PJA2: variants seen among roughly 807,000 people sequenced by gnomAD.
The protein encoded by PJA2 is praja ring finger ubiquitin ligase 2.
Under a neutral mutation model 69.3 loss-of-function variants are expected in PJA2, and 25 were observed. The ratio of observed to expected loss-of-function variants is 0.36; its 90% confidence interval spans 0.26 to 0.50. The LOEUF is 0.50. PJA2 is among the 20% of genes least tolerant of loss of function. The pLI is 0.96. For missense variants in PJA2, 809 were observed against 830.2 expected, an observed-to-expected ratio of 0.97 and a Z score of 0.31; for synonymous variants, 308 against 277.8, an observed-to-expected ratio of 1.11 and a Z score of -1.08.
At chr5:109,359,381 C>A (rs1307815941) in intron 6 of PJA2, among the ~76,000 whole-genome samples, 1 of 152,104 alleles carries the variant, frequency 6.6e-6, no homozygotes, top group Non-Finnish European at 1.5e-5. Flanking sequence ...ACCCCTAACC[C>A]GTGTTGTTCA....
At position 109,383,491 on chromosome 5, in the gene PJA2, T is replaced by G; in HGVS notation, c.-58A>C. On this transcript the variant is annotated 5_prime_UTR_variant, in exon 2 of 10. Transcript: ENST00000361189. ...AATTATAGATGTGATTTAGTTTTTATTCACACTATGGACAAGCCGCAGAAG... is the reference window on the plus strand; with the variant it reads ...AATTATAGATGTGATTTAGTTTTTAGTCACACTATGGACAAGCCGCAGAAG... 7.1e-7 allele frequency: 1 copy of G among 1,406,198 alleles called. No homozygotes were observed. 87.1% of individuals were successfully genotyped at this position (1,406,198 alleles called of 1,614,324 possible). A position where few individuals can be genotyped will look rare whatever the true frequency, so the allele number is the denominator to read the frequency against.
At chr5:109,381,389 G>T in intron 3 of PJA2, 114 bp downstream of exon 3, 2 of 680,064 alleles carry the variant, frequency 2.9e-6, no homozygotes, top group Non-Finnish European at 2.4e-6. Context: ...TTCTTGATAG[G>T]AAGTGTGCTG....
At chr5:109,380,532 G>T (rs1747018162) in intron 3 of PJA2, among the ~76,000 whole-genome samples, 1 of 152,116 alleles carries the variant, frequency 6.6e-6, no homozygotes, top group Non-Finnish European at 1.5e-5. Flanking sequence ...AGTTGGCCGG[G>T]CACAATGGCC....
chr5:109,381,847 A>G, intron 2 of PJA2, 144 bp from the exon 3 acceptor site: 1 of 656,368 alleles, frequency 1.5e-6, no homozygotes, highest in Non-Finnish European at 2.5e-6. Flanking sequence ...CTAGTACTAT[A>G]AAACATTATT....
rs1045582539 is a variant in PJA2 at position 109,335,397 on chromosome 5, G to A, written c.*1834C>T. The A allele has an allele frequency of 6.6e-6, 1 of 152,550 alleles. No homozygotes were observed. The highest frequency in any genetic ancestry group is 1.5e-5 in the Non-Finnish European group (1 of 67,996). 9.4% of individuals were successfully genotyped at this position (152,550 alleles called of 1,614,324 possible). On this transcript the variant is annotated 3_prime_UTR_variant, in exon 10 of 10. Coordinates refer to ENST00000361189, the MANE Select transcript of PJA2 (RefSeq NM_014819.5). ...ACCTCTTAACAACTGGCAGATAATA[G>A]CTAAATCTTAACAGACAAAGAAGAA...
At chr5:109,386,512 G>A (rs929147515) in intron 1 of PJA2, among the ~76,000 whole-genome samples, 1 of 152,056 alleles carries the variant, frequency 6.6e-6, no homozygotes. Flanking sequence ...GATACTCTTC[G>A]GAGCCGTCTA....
chr5:109,377,474 G>C (rs1267429712), intron 4 of PJA2, among the ~76,000 whole-genome samples: 2 of 152,032 alleles, frequency 1.3e-5, no homozygotes, highest in Non-Finnish European at 2.9e-5. Flanking sequence ...GGAAAAAAAA[G>C]ATACGGGTTT....
intron 4 of PJA2, among the ~76,000 whole-genome samples, chr5:109,374,011 G>C (rs771488497): frequency 6.6e-6 from 1 of 152,126 alleles, no homozygotes; most frequent in Non-Finnish European, 1.5e-5. Context: ...CTAGGAAAAA[G>C]TGAAATTTTA....
At chr5:109,396,720 G>T (rs1476457829) in intron 1 of PJA2, among the ~76,000 whole-genome samples, 21 of 125,400 alleles carry the variant, frequency 1.7e-4, no homozygotes, top group Non-Finnish European at 1.9e-4. Context: ...CACCGCACCC[G>T]GCCTAACATG....
At chr5:109,370,948 A>G (rs1335420343) in intron 4 of PJA2, among the ~76,000 whole-genome samples, 1 of 152,232 alleles carries the variant, frequency 6.6e-6, no homozygotes, top group Non-Finnish European at 1.5e-5. Flanking sequence ...GAATATCTCT[A>G]AACTTCAATA....
In PJA2 at chr5:109,404,482, C is replaced by T. The variant is rs139050025; in HGVS notation, c.-88+5360G>A. On this transcript the variant is annotated intron_variant, in intron 1 of 9. Transcript: ENST00000361189. ...GCAGCGAGCTGAGACTGCCACTGCA[C>T]TCCAGCCTAGCCGACAGAGCAAGAC... Among the ~76,000 whole-genome samples the T allele has an allele frequency of 7.6e-3, 1,160 of 152,084 alleles. 12 individuals carry two copies. Among genetic ancestry groups the T allele is most frequent in the African/African-American group, 0.026 (1,077 of 41,470 alleles).
In PJA2 at chr5:109,379,071, T is replaced by C. The variant is rs900216045; in HGVS notation, c.416A>G (p.His139Arg). The change falls in exon 4 of 10, where the codon CAT (histidine) becomes CGT (arginine). Residue 139 changes from histidine (H) to arginine (R), a missense_variant. Transcript: ENST00000361189. ...AATATACTCTCCCTCAGAGTGATTA[T>C]GAAGATTTGTACTGCTTCCTAAGGT... ...RDTLGSSTNL[H>R]NHSEGEYIPG... 6.2e-7 allele frequency: 1 copy of C among 1,614,152 alleles called. No homozygotes were observed. Among genetic ancestry groups the C allele is most frequent in the Non-Finnish European group, 8.5e-7 (1 of 1,180,018 alleles).
At chr5:109,406,611 T>C (rs1166665601) in intron 1 of PJA2, among the ~76,000 whole-genome samples, 1 of 152,224 alleles carries the variant, frequency 6.6e-6, no homozygotes, top group African/African-American at 2.4e-5. Context: ...GAAAACAGTT[T>C]GGCAGTTTCT....
chr5:109,406,956 A>G (rs542209577), intron 1 of PJA2, among the ~76,000 whole-genome samples: 29 of 152,356 alleles, frequency 1.9e-4, no homozygotes, highest in African/African-American at 6.5e-4. Flanking sequence ...ACATCATTCC[A>G]CTTACATGAA....
chr5:109,401,029 T>C (rs1163980723), intron 1 of PJA2, among the ~76,000 whole-genome samples: 1 of 151,240 alleles, frequency 6.6e-6, no homozygotes, highest in Non-Finnish European at 1.5e-5. Context: ...AAATGACACA[T>C]GCCTGTAATC....
intron 1 of PJA2, among the ~76,000 whole-genome samples, chr5:109,403,821 C>T (rs529893976): frequency 6.0e-5 from 9 of 151,076 alleles, no homozygotes; most frequent in Admixed American, 2.0e-4. Context: ...CCTGTAATCC[C>T]AACACTTTGG....
At chr5:109,396,000 CA>C (rs368922382) in intron 1 of PJA2, among the ~76,000 whole-genome samples, 84 of 107,872 alleles carry the variant, frequency 7.8e-4, no homozygotes, top group Middle Eastern at 4.2e-3. Context: ...AACTCTATCT[CA>C]AAAAAAAAAA....
intron 9 of PJA2, among the ~76,000 whole-genome samples, chr5:109,339,994 C>T (rs1762013707): frequency 6.6e-6 from 1 of 152,142 alleles, no homozygotes; most frequent in Non-Finnish European, 1.5e-5. Flanking sequence ...CAGCATTATA[C>T]CTCAATCCAG....
intron 9 of PJA2, among the ~76,000 whole-genome samples, chr5:109,338,164 T>C (rs1761979457): frequency 6.6e-6 from 1 of 152,142 alleles, no homozygotes; most frequent in South Asian, 2.1e-4. Flanking sequence ...GAAGAGATCA[T>C]GCTGTCGAAG....
Sources: allele counts gnomAD v4.1 joint callset (sites outside exome capture counted in the v4.1 genomes callset), GRCh38; gene constraint gnomAD v4.1.1; transcripts MANE v1.5; gene names NCBI Gene and HGNC (gene_info 2026-07-23, HGNC 2026-07-21).